TTN: variants seen among roughly 807,000 people sequenced by gnomAD.
TTN encodes connectin.
Under a neutral mutation model 3,223.0 loss-of-function variants are expected in TTN, and 1,525 were observed. The ratio of observed to expected loss-of-function variants is 0.47; its 90% CI spans 0.45 to 0.49. TTN has a LOEUF of 0.49. TTN is among the 20% of genes least tolerant of loss of function. The pLI, the probability that TTN is intolerant of heterozygous loss-of-function variation, is 0.00. For synonymous variants in TTN, 14,094 were observed against 15,161.0 expected, an observed-to-expected ratio of 0.93 and a Z score of 5.17; for missense variants, 40,786 against 43,424.0, an observed-to-expected ratio of 0.94 and a Z score of 5.40.
chr2:178,563,226 G>C lies in TTN; in HGVS notation c.82906C>G (p.Leu27636Val), dbSNP rs1319880054. ...AAGTTATATTCAGTGTTTTCTTTAA[G>C]CTTGGTCACTGTGAACTGCTTTCCT... ...LQGKQFTVTK[L>V]KENTEYNFRI... The change falls in exon 326 of 363, where the codon CTT (leucine) becomes GTT (valine). Residue 27636 changes from leucine to valine, a missense_variant. Leu to Val is a conservative substitution (Grantham distance 32, BLOSUM62 1). Coordinates refer to ENST00000589042, the MANE Select transcript of TTN (RefSeq NM_001267550.2). The surrounding 1 kb of genome is among the most constrained non-coding windows in gnomAD (Gnocchi z 4.5). 6.2e-7 allele frequency: 1 copy of C among 1,613,694 alleles called. No homozygotes were observed. Among genetic ancestry groups the C allele is most frequent in the South Asian group, 1.1e-5 (1 of 91,080 alleles).
chr2:178,558,081 A>G lies in TTN; in HGVS notation c.87273T>C (p.Phe29091=), dbSNP rs778100139. Residue 29091 remains phenylalanine, a synonymous_variant, in exon 328 of 363, where the codon TTT becomes TTC. Coordinates refer to ENST00000589042, the MANE Select transcript of TTN (RefSeq NM_001267550.2). The part of the protein sequence containing the change: ...DGVPLKATMR[F]NTEITAENLT... Reference sequence around the variant, plus strand: ...GGTTCTCAGCAGTAATTTCGGTATTAAATCTCATGGTTGCCTTAAGGGGGA... The same window carrying G: ...GGTTCTCAGCAGTAATTTCGGTATTGAATCTCATGGTTGCCTTAAGGGGGA... The G allele has an allele frequency of 6.2e-7, 1 of 1,613,934 alleles. No individual in the cohort carries two copies.
chr2:178,609,498 A>G lies in TTN; in HGVS notation c.51812T>C (p.Ile17271Thr), dbSNP rs764070559. 8.1e-6 allele frequency: 13 copies of G among 1,612,416 alleles called. No homozygotes were observed. The highest frequency in any genetic ancestry group is 1.3e-5 in the African/African-American group (1 of 74,806). The change falls in exon 273 of 363, where the codon ATT becomes ACT. Residue 17271 changes from isoleucine (I) to threonine (T), a missense_variant. Ile to Thr is a moderately conservative substitution (Grantham distance 89, BLOSUM62 -1). Transcript: ENST00000589042. The part of the protein sequence containing the change: ...RGDEIALDAS[I>T]SGSPYPTITW... Reference sequence around the variant, plus strand: ...AATAGTTGGGTAAGGTGATCCAGAAATACTTGCATCAAGTGCTATTTCATC... The same window carrying G: ...AATAGTTGGGTAAGGTGATCCAGAAGTACTTGCATCAAGTGCTATTTCATC...
At position 178,528,988 on chromosome 2, in the gene TTN, A is replaced by G. The variant is rs777089547; in HGVS notation, c.106763T>C (p.Ile35588Thr). 1.9e-6 allele frequency: 3 copies of G among 1,613,970 alleles called. No homozygotes were observed. Among genetic ancestry groups the G allele is most frequent in the East Asian group, 2.2e-5 (1 of 44,884 alleles). Residue 35588 changes from isoleucine to threonine, a missense_variant, in exon 360 of 363, where the codon ATT becomes ACT. Coordinates refer to ENST00000589042, the MANE Select transcript of TTN (RefSeq NM_001267550.2). ...KSAATSLEKS[I>T]VHEEITKTSQ... Reference sequence around the variant, plus strand: ...TGTTTTAGTGATTTCCTCATGGACAATGGATTTTTCCAGGGAGGTTGCTGC... The same window carrying G: ...TGTTTTAGTGATTTCCTCATGGACAGTGGATTTTTCCAGGGAGGTTGCTGC...
In TTN at chr2:178,724,112, T is replaced by C. The variant is rs2078919390; in HGVS notation, c.21147A>G (p.Arg7049=). The C allele has an allele frequency of 1.2e-6, 2 of 1,612,530 alleles. No individual in the cohort carries two copies. Among genetic ancestry groups the C allele is most frequent in the Non-Finnish European group, 8.5e-7 (1 of 1,178,968 alleles). The change falls in exon 73 of 363, where the codon AGA becomes AGG. Residue 7049 remains arginine, a synonymous_variant. Transcript: ENST00000589042. The part of the protein sequence containing the change: ...DRAVPPSFTR[R]LKNTGGVLGA... The stretch of plus-strand genomic sequence containing the variant: ...CTAACACCCCACCAGTATTTTTCAG[T>C]CTTCGTGTGAAAGAGGGAGGAACTG...
rs267599033 is a variant in TTN at position 178,562,169 on chromosome 2, C to T, written c.83963G>A (p.Gly27988Glu). 1 of 1,613,094 alleles carries T rather than the reference C, an allele frequency of 6.2e-7. No individual in the cohort carries two copies. Among genetic ancestry groups the T allele is most frequent in the Admixed American group, 1.7e-5 (1 of 59,890 alleles). ...EQLKIDVPFK[G>E]RPQATVNWRK... The stretch of plus-strand genomic sequence containing the variant: ...CCAGTTCACAGTAGCTTGAGGTCTT[C>T]CTTTGAATGGCACATCAATCTTAAG... The change falls in exon 326 of 363, where the codon GGA (glycine) becomes GAA (glutamate). Residue 27988 changes from glycine (G) to glutamate (E), a missense_variant. By Grantham distance (98) the Gly-to-Glu change is moderately conservative (BLOSUM62 -2). Coordinates refer to ENST00000589042, the MANE Select transcript of TTN (RefSeq NM_001267550.2).
In TTN at chr2:178,677,189, G is replaced by A. The variant is rs1221111549; in HGVS notation, c.34378+12C>T. 4 of 1,223,210 alleles carry A rather than the reference G, an allele frequency of 3.3e-6. No individual in the cohort carries two copies. The highest frequency in any genetic ancestry group is 3.2e-5 in the East Asian group (1 of 31,178). 75.8% of individuals were successfully genotyped at this position (1,223,210 alleles called of 1,614,324 possible). A position where few individuals can be genotyped will look rare whatever the true frequency, so the allele number is the denominator to read the frequency against. ...TGGGTGAACAATGTGTATTCACTTT[G>A]GGGAGGTGTACCTTTGGGTGGTGGT... On this transcript the variant is annotated intron_variant, in intron 147 of 362. Coordinates refer to ENST00000589042, the MANE Select transcript of TTN (RefSeq NM_001267550.2).
chr2:178,571,529 A>T lies in TTN; in HGVS notation c.74603T>A (p.Ile24868Lys). 2 of 1,613,220 alleles carry T rather than the reference A, an allele frequency of 1.2e-6. No homozygotes were observed. The highest frequency in any genetic ancestry group is 1.7e-6 in the Non-Finnish European group (2 of 1,179,572). The change falls in exon 326 of 363, where the codon ATA becomes AAA. Residue 24868 changes from isoleucine to lysine, a missense_variant. Physicochemically the swap from Ile to Lys is moderately radical, Grantham distance 102. Coordinates refer to ENST00000589042, the MANE Select transcript of TTN (RefSeq NM_001267550.2). The part of the protein sequence containing the change: ...IVSATVARTT[I>K]KACRLKTGCE... ...TCCAGTCTTCAGTCTGCAAGCCTTTATTGTTGTCCTTGCAACTGTAGCTGA... is the reference window on the plus strand; with the variant it reads ...TCCAGTCTTCAGTCTGCAAGCCTTTTTTGTTGTCCTTGCAACTGTAGCTGA...
chr2:178,751,576 T>C lies in TTN; in HGVS notation c.11311+1548A>G, dbSNP rs749466558. The C allele has an allele frequency of 1.1e-5, 17 of 1,613,058 alleles. No homozygotes were observed. Among genetic ancestry groups the C allele is most frequent in the Non-Finnish European group, 1.4e-5 (16 of 1,179,506 alleles). On this transcript the variant is annotated intron_variant, in intron 47 of 362. Coordinates refer to ENST00000589042, the MANE Select transcript of TTN (RefSeq NM_001267550.2). Reference sequence around the variant, plus strand: ...GTGTCCGTTCTGCTCTTTTCAGAAATTCTAAATATTTCTCATCTTGCCCTT... The same window carrying C: ...GTGTCCGTTCTGCTCTTTTCAGAAACTCTAAATATTTCTCATCTTGCCCTT...
At chr2:178,554,304 T>C (rs1181819833) in intron 332 of TTN, 88 bp from the exon 333 acceptor site, 13 of 1,448,598 alleles carry the variant, frequency 9.0e-6, no homozygotes, top group African/African-American at 1.4e-5. Context: ...TCCAAGAACA[T>C]TGGTTTTATT....
At chr2:178,600,096 CATT>C (rs1013278908) in intron 288 of TTN, among the ~76,000 whole-genome samples, 3 of 151,858 alleles carry the variant, frequency 2.0e-5, no homozygotes, top group African/African-American at 7.3e-5. Context: ...TATTTGGCAT[CATT>C]ATGCATGTAA....
rs780571370 is a variant in TTN, at chr2:178,551,973, T to C, written c.90927A>G (p.Gln30309=). Reference sequence around the variant, plus strand: ...CCACAATAATGCTTGAGACAAGTGGTTGGCTGACTCCGTATCTGTTTTCTG... The same window carrying C: ...CCACAATAATGCTTGAGACAAGTGGCTGGCTGACTCCGTATCTGTTTTCTG... The part of the protein sequence containing the change: ...VRAENRYGVS[Q]PLVSSIIVAK... Residue 30309 remains glutamine, a synonymous_variant, in exon 335 of 363, where the codon CAA becomes CAG. Coordinates refer to ENST00000589042, the MANE Select transcript of TTN (RefSeq NM_001267550.2). 1 of 1,611,866 alleles carries C rather than the reference T, an allele frequency of 6.2e-7. No individual in the cohort carries two copies. Among genetic ancestry groups the C allele is most frequent in the Non-Finnish European group, 8.5e-7 (1 of 1,178,152 alleles).
At chr2:178,615,073 C>G in intron 259 of TTN, 105 bp from the exon 260 acceptor site, 2 of 1,074,674 alleles carry the variant, frequency 1.9e-6, no homozygotes, top group South Asian at 1.6e-5. Flanking sequence ...TAATACTAGT[C>G]TTTAAATTAA....
At chr2:178,716,490 A>G (rs185228396) in intron 88 of TTN, among the ~76,000 whole-genome samples, 96 of 152,300 alleles carry the variant, frequency 6.3e-4, no homozygotes, top group African/African-American at 2.2e-3. Flanking sequence ...AATGGACTAG[A>G]CTAGCAGTCC....
chr2:178,782,068 G>T lies in TTN; in HGVS notation c.3380+144C>A. ...TAGGAAGACTTTGCACAAAAAAAAT[G>T]TAAAAATACCTCAAAACAAACTAAG... On this transcript the variant is annotated intron_variant, in intron 20 of 362. Transcript: ENST00000589042. 3.0e-6 allele frequency: 3 copies of T among 983,636 alleles called. No homozygotes were observed. The South Asian group carries it at 4.7e-5, about 15-fold the overall frequency. 60.9% of individuals were successfully genotyped at this position (983,636 alleles called of 1,614,324 possible). A position where few individuals can be genotyped will look rare whatever the true frequency, so the allele number is the denominator to read the frequency against.
chr2:178,741,543 T>A lies in TTN; in HGVS notation c.11690A>T (p.Asp3897Val), dbSNP rs2082481128. The change falls in exon 48 of 363, where the codon GAC becomes GTC. Residue 3897 changes from aspartate to valine, a missense_variant. Coordinates refer to ENST00000589042, the MANE Select transcript of TTN (RefSeq NM_001267550.2). ...GGCACTACATATTGTCTTTCCATAG[T>A]CATTACTGGCCATACATGTATACTC... Reference protein sequence around the residue: ...EGEYTCMASNDYGKTICSAYL... With the variant: ...EGEYTCMASNVYGKTICSAYL... 7 of 1,613,890 alleles carry A rather than the reference T, an allele frequency of 4.3e-6. No individual in the cohort carries two copies. In the East Asian group the frequency reaches 1.6e-4, roughly 36 times the overall value.
Position 178,734,830 on chromosome 2 carries a change from A to G in TTN, c.15094T>C (p.Phe5032Leu). Residue 5032 changes from phenylalanine (F) to leucine (L), a missense_variant, in exon 51 of 363, where the codon TTT becomes CTT. By Grantham distance (22) the Phe-to-Leu change is conservative (BLOSUM62 0). Transcript: ENST00000589042. The part of the protein sequence containing the change: ...LSESNTVRMY[F>L]VNSEAILDIT... The stretch of plus-strand genomic sequence containing the variant: ...TCAAGTATAGCCTCAGAATTGACAA[A>G]ATACATTCGGACTGTGTTACTTTCA... 1 of 1,613,822 alleles carries G rather than the reference A, an allele frequency of 6.2e-7. No homozygotes were observed. The highest frequency in any genetic ancestry group is 8.5e-7 in the Non-Finnish European group (1 of 1,179,762).
intron 47 of TTN, chr2:178,751,277 G>A: frequency 6.2e-7 from 1 of 1,610,032 alleles, no homozygotes; most frequent in Non-Finnish European, 8.5e-7. Flanking sequence ...TGTTTTTCTA[G>A]CCTCCCTTAA....
chr2:178,769,997 C>G (rs2091234276), intron 36 of TTN, 58 bp from the exon 37 acceptor site: 1 of 1,613,922 alleles, frequency 6.2e-7, no homozygotes, highest in Non-Finnish European at 8.5e-7. Context: ...GTAGATGAAA[C>G]CAAACAAATA....
At chr2:178,696,869 C>T (rs552045858) in intron 113 of TTN, among the ~76,000 whole-genome samples, 94 of 152,052 alleles carry the variant, frequency 6.2e-4, no homozygotes, top group African/African-American at 2.0e-3. Context: ...AAGGAATGGC[C>T]CTTCCTTTCT....
Sources: allele counts gnomAD v4.1 joint callset (sites outside exome capture counted in the v4.1 genomes callset), GRCh38; gene constraint gnomAD v4.1.1; non-coding constraint Gnocchi (gnomAD v3.1); transcripts MANE v1.5; gene names NCBI Gene and HGNC (gene_info 2026-07-23, HGNC 2026-07-21).